CNTN6: variants seen among roughly 807,000 people sequenced by gnomAD.
CNTN6 encodes the protein contactin-6.
CNTN6 carries 137 observed loss-of-function variants against 122.8 expected under a neutral mutation model. The observed-to-expected ratio is 1.12, with a 90% CI of 0.97 to 1.29. The LOEUF (loss-of-function observed/expected upper bound fraction) is 1.29. Among genes scored for constraint, CNTN6 ranks in the 50% most tolerant of loss-of-function variants. The probability of loss-of-function intolerance (pLI) is 0.00; values close to 1 mark genes in which losing one functional copy is unlikely to be tolerated. For missense variants in CNTN6, 1,634 were observed against 1,223.4 expected (o/e 1.34, Z -5.01); for synonymous variants, 570 against 426.0 (o/e 1.34, Z -4.16).
intron 2 of CNTN6, among the ~76,000 whole-genome samples, chr3:1,151,447 T>A (rs1158610457): frequency 1.3e-5 from 2 of 150,234 alleles, no homozygotes; most frequent in African/African-American, 5.1e-5. Context: ...TGTAATAACG[T>A]TTTAAAAGTT....
intron 2 of CNTN6, among the ~76,000 whole-genome samples, chr3:1,207,754 G>A (rs1430009723): frequency 2.0e-5 from 3 of 151,890 alleles, no homozygotes; most frequent in Middle Eastern, 3.2e-3. Context: ...GATGGTTCTC[G>A]CACATAGTAA....
chr3:1,350,091 T>C lies in CNTN6; in HGVS notation c.1365-2233T>C, dbSNP rs528886268. ...ATCATAAGTAAGATGTAGTCTTACT[T>C]TGAAGTAAAGAAAAAATTTTCAGAT... On this transcript the variant is annotated intron_variant, in intron 11 of 22. Coordinates refer to ENST00000446702, the MANE Select transcript of CNTN6 (RefSeq NM_001289080.2). Among the ~76,000 whole-genome samples, 15 of 152,004 alleles carry C rather than the reference T, an allele frequency of 9.9e-5. 1 individual carries two copies. In the South Asian group the frequency reaches 1.2e-3, roughly 13 times the overall value.
At chr3:1,238,402 T>C (rs1419055148) in intron 4 of CNTN6, among the ~76,000 whole-genome samples, 1 of 152,134 alleles carries the variant, frequency 6.6e-6, no homozygotes, top group Non-Finnish European at 1.5e-5. Flanking sequence ...CAGTTCTAAA[T>C]ATATATGCAC....
chr3:1,148,714 G>C (rs528970979), intron 2 of CNTN6, among the ~76,000 whole-genome samples: 1 of 152,270 alleles, frequency 6.6e-6, no homozygotes, highest in South Asian at 2.1e-4. Context: ...AAATAATCAT[G>C]TATTTAGTTG....
chr3:1,115,336 A>G (rs1389008269), intron 1 of CNTN6, among the ~76,000 whole-genome samples: 2 of 152,192 alleles, frequency 1.3e-5, no homozygotes, highest in African/African-American at 4.8e-5. Flanking sequence ...AAAAGAAGGT[A>G]AGACCCCAAC....
At chr3:1,269,157 A>G (rs2094980098) in intron 4 of CNTN6, among the ~76,000 whole-genome samples, 1 of 151,940 alleles carries the variant, frequency 6.6e-6, no homozygotes, top group African/African-American at 2.4e-5. Context: ...GGCAGGTACT[A>G]TTGTTAGCTA....
intron 7 of CNTN6, among the ~76,000 whole-genome samples, chr3:1,313,706 C>T (rs1486867357): frequency 6.6e-6 from 1 of 152,070 alleles, no homozygotes; most frequent in Non-Finnish European, 1.5e-5. Flanking sequence ...ATCTTATTCC[C>T]ATTGGGCTGC....
chr3:1,241,363 G>A (rs895499603), intron 4 of CNTN6, among the ~76,000 whole-genome samples: 17 of 152,168 alleles, frequency 1.1e-4, no homozygotes, highest in Middle Eastern at 6.8e-3. Flanking sequence ...CTTCAAGCGG[G>A]ATTAGGGGCA....
At position 1,289,040 on chromosome 3, in the gene CNTN6, C is replaced by A. The variant is rs1331873462; in HGVS notation, c.455-6561C>A. On this transcript the variant is annotated intron_variant, in intron 5 of 22. Transcript: ENST00000446702. Reference sequence around the variant, plus strand: ...TCATCACAGGGAAAATGCATCACAACCGTTAATAACCGATAAATGTCATAG... The same window carrying A: ...TCATCACAGGGAAAATGCATCACAAACGTTAATAACCGATAAATGTCATAG... Among the ~76,000 whole-genome samples, 5 of 152,306 alleles carry A rather than the reference C, an allele frequency of 3.3e-5. No individual in the cohort carries two copies. In the East Asian group the frequency reaches 7.7e-4, roughly 24 times the overall value.
At chr3:1,268,253 G>A (rs1408717104) in intron 4 of CNTN6, among the ~76,000 whole-genome samples, 1 of 152,184 alleles carries the variant, frequency 6.6e-6, no homozygotes, top group African/African-American at 2.4e-5. Context: ...CCTAGGCAGT[G>A]AGGGTCACTA....
intron 4 of CNTN6, among the ~76,000 whole-genome samples, chr3:1,247,101 T>C (rs2125646331): frequency 1.3e-5 from 2 of 152,330 alleles, no homozygotes; most frequent in East Asian, 1.9e-4. Flanking sequence ...CTTGCGATCA[T>C]ATTTTCCTGT....
At chr3:1,144,179 C>A (rs779695762) in intron 1 of CNTN6, among the ~76,000 whole-genome samples, 1 of 152,120 alleles carries the variant, frequency 6.6e-6, no homozygotes, top group Non-Finnish European at 1.5e-5. Context: ...AAATGCAAAA[C>A]CCTTGGCTTT....
intron 20 of CNTN6, chr3:1,394,571 C>T (rs564957604): frequency 1.3e-5 from 2 of 152,272 alleles, no homozygotes; most frequent in Admixed American, 6.5e-5. Context: ...TTTGAAGTCG[C>T]TCTGTATATA....
Position 1,330,180 on chromosome 3 carries a change from A to G in CNTN6, c.1364+245A>G, listed in dbSNP as rs73006830. 2.6e-3 allele frequency among the ~76,000 whole-genome samples: 392 copies of G among 152,042 alleles called. 2 individuals are homozygous for G. Among genetic ancestry groups the G allele is most frequent in the Non-Finnish European group, 4.6e-3 (315 of 67,908 alleles). On this transcript the variant is annotated intron_variant, in intron 11 of 22. Coordinates refer to ENST00000446702, the MANE Select transcript of CNTN6 (RefSeq NM_001289080.2). ...GTGCATGCACTTGTAATAGATTTTTAAAAATCTTTTAAGACCTTTTTCTAC... is the reference window on the plus strand; with the variant it reads ...GTGCATGCACTTGTAATAGATTTTTGAAAATCTTTTAAGACCTTTTTCTAC...
intron 4 of CNTN6, among the ~76,000 whole-genome samples, chr3:1,268,421 T>A (rs535360454): frequency 6.6e-6 from 1 of 152,016 alleles, no homozygotes; most frequent in African/African-American, 2.4e-5. Context: ...TCCTGGTTAA[T>A]GTGGTGAAAC....
intron 1 of CNTN6, among the ~76,000 whole-genome samples, chr3:1,108,577 A>G (rs2091336902): frequency 2.0e-5 from 3 of 152,050 alleles, no homozygotes; most frequent in Admixed American, 2.0e-4. Context: ...CTGTAATATC[A>G]TTGAGCTGTT....
chr3:1,210,404 G>A (rs985158807), intron 2 of CNTN6, among the ~76,000 whole-genome samples: 1 of 84,086 alleles, frequency 1.2e-5, no homozygotes, highest in African/African-American at 5.7e-5. Context: ...GGAAGGGAAG[G>A]AAAGGGAAGG....
At chr3:1,352,568 A>G (rs1705824366) in intron 12 of CNTN6, 117 bp downstream of exon 12, 1 of 1,205,940 alleles carries the variant, frequency 8.3e-7, no homozygotes, top group African/African-American at 1.5e-5. Flanking sequence ...TTGATTTCAC[A>G]AGTTATCTAA....
intron 2 of CNTN6, among the ~76,000 whole-genome samples, chr3:1,216,071 T>A (rs2094126362): frequency 6.6e-6 from 1 of 152,204 alleles, no homozygotes; most frequent in African/African-American, 2.4e-5. Context: ...CTTCAGAGGC[T>A]TCACCCCTGA....
Sources: allele counts gnomAD v4.1 joint callset (sites outside exome capture counted in the v4.1 genomes callset), GRCh38; gene constraint gnomAD v4.1.1; transcripts MANE v1.5; gene names NCBI Gene and HGNC (gene_info 2026-07-23, HGNC 2026-07-21).